CD163L1: variants seen among roughly 807,000 people sequenced by gnomAD.
CD163L1 encodes the protein CD163 molecule like 1.
In CD163L1, 124 loss-of-function variants were observed where a neutral mutation model predicts 165.4. The ratio of observed to expected loss-of-function variants is 0.75; its 90% confidence interval spans 0.65 to 0.87. The LOEUF (loss-of-function observed/expected upper bound fraction) is 0.87, where lower values mean the gene tolerates loss of function less well. Ranked by LOEUF, CD163L1 falls within the 40% of genes least tolerant of loss-of-function variation. The pLI, the probability that CD163L1 is intolerant of heterozygous loss-of-function variation, is 0.00. For missense variants in CD163L1, 1,525 were observed against 1,799.9 expected (o/e 0.85, Z 2.76); for synonymous variants, 585 against 662.2 (o/e 0.88, Z 1.79).
Position 7,347,365 on chromosome 12 carries a change from C to A in CD163L1, c.*25-218G>T, listed in dbSNP as rs887067926. Reference sequence around the variant, plus strand: ...CCTGATGTATTTATTTAAAAATATTCTTTGTAACCCAATCTCTGGGATGTT... The same window carrying A: ...CCTGATGTATTTATTTAAAAATATTATTTGTAACCCAATCTCTGGGATGTT... On this transcript the variant is annotated intron_variant, in intron 4 of 4. Coordinates refer to the CD163L1 transcript ENST00000539726. This position sits in a 1 kb window ranked among gnomAD's most constrained non-coding sequence, Gnocchi z 4.2. Among the ~76,000 whole-genome samples the A allele has an allele frequency of 2.0e-5, 3 of 152,156 alleles. No homozygotes were observed. The highest frequency in any genetic ancestry group is 6.6e-5 in the Admixed American group (1 of 15,264).
intron 11 of CD163L1, 93 bp from the exon 12 acceptor site, chr12:7,375,016 G>A: frequency 1.7e-6 from 2 of 1,195,542 alleles, no homozygotes; most frequent in Non-Finnish European, 1.2e-6. Flanking sequence ...CTGCAATTGT[G>A]ATAAGGACTT....
the CD163L1 span, among the ~76,000 whole-genome samples, chr12:7,329,446 A>C: frequency 6.6e-5 from 10 of 151,654 alleles, no homozygotes; most frequent in Admixed American, 1.3e-4. Context: ...TATGAAAAAG[A>C]AGCTTGATAT....
In CD163L1 at chr12:7,374,783, G is replaced by A. The variant is rs1947227096; in HGVS notation, c.3095-27C>T. 6.2e-7 allele frequency: 1 copy of A among 1,613,982 alleles called. No homozygotes were observed. On this transcript the variant is annotated intron_variant, in intron 12 of 19. Coordinates refer to ENST00000313599, the MANE Select transcript of CD163L1 (RefSeq NM_174941.6). This position sits in a 1 kb window ranked among gnomAD's most constrained non-coding sequence, Gnocchi z 5.4. Reference sequence around the variant, plus strand: ...TTAGAGGAGAAAGTCCAGTTAATAGGTCACATTCTTTAGAGTTGCAGTGTT... The same window carrying A: ...TTAGAGGAGAAAGTCCAGTTAATAGATCACATTCTTTAGAGTTGCAGTGTT...
chr12:7,328,021 G>A, the CD163L1 span, among the ~76,000 whole-genome samples: 1 of 152,094 alleles, frequency 6.6e-6, no homozygotes, highest in East Asian at 1.9e-4. Context: ...GTTTGAACTA[G>A]GGGAAAGCAA....
intron 4 of CD163L1, among the ~76,000 whole-genome samples, chr12:7,426,474 T>TA (rs1254891507): frequency 6.6e-6 from 1 of 151,690 alleles, no homozygotes; most frequent in Non-Finnish European, 1.5e-5. Flanking sequence ...AATAAATAAA[T>TA]AATAAAAAGG....
At chr12:7,361,958 T>C (rs950004582) in intron 18 of CD163L1, among the ~76,000 whole-genome samples, 1 of 151,852 alleles carries the variant, frequency 6.6e-6, no homozygotes, top group Admixed American at 6.6e-5. Context: ...ACTTTCTGTT[T>C]ATATGAATTT....
At position 7,363,307 on chromosome 12, in the gene CD163L1, T is replaced by A. The variant is rs1205000495; in HGVS notation, c.4279+3929A>T. Among the ~76,000 whole-genome samples the A allele has an allele frequency of 5.3e-5, 8 of 151,724 alleles. No individual in the cohort carries two copies. The East Asian group carries it at 1.6e-3, about 29-fold the overall frequency. The stretch of plus-strand genomic sequence containing the variant: ...ATGGGTGACAGAGTGAGACTCCATC[T>A]TAAAAAGGAAAAAAAACAAGTAGAA... On this transcript the variant is annotated intron_variant, in intron 18 of 19. Coordinates refer to ENST00000313599, the MANE Select transcript of CD163L1 (RefSeq NM_174941.6).
At chr12:7,327,072 G>A in the CD163L1 span, 2 of 1,608,768 alleles carry the variant, frequency 1.2e-6, no homozygotes, top group Non-Finnish European at 8.5e-7. Flanking sequence ...AAAATCAACT[G>A]CACCTTACAA....
chr12:7,421,606 C>T (rs1408839213), intron 4 of CD163L1, among the ~76,000 whole-genome samples: 143 of 3,610 alleles, frequency 0.04, 4 homozygotes, highest in East Asian at 0.045. Context: ...TATATGTACA[C>T]ATATACATAT....
At chr12:7,441,975 G>A (rs1948836711) in intron 1 of CD163L1, among the ~76,000 whole-genome samples, 1 of 152,134 alleles carries the variant, frequency 6.6e-6, no homozygotes, top group Admixed American at 6.5e-5. Context: ...AAGATAGGCA[G>A]GAGCAATACA....
Position 7,421,580 on chromosome 12 carries a change from CATATAT to C in CD163L1, c.766+10830_766+10835del, listed in dbSNP as rs1272140901. On this transcript the variant is annotated intron_variant, in intron 4 of 19. Coordinates refer to ENST00000313599, the MANE Select transcript of CD163L1 (RefSeq NM_174941.6). Reference sequence around the variant, plus strand: ...ACATATATGTACATATATACATGTACATATATACATATACATATATGTACACATATA... The same window carrying C: ...ACATATATGTACATATATACATGTACACATATACATATATGTACACATATA... Among the ~76,000 whole-genome samples the C allele has an allele frequency of 1.9e-3, 230 of 122,124 alleles. 15 individuals carry two copies. The highest frequency in any genetic ancestry group is 7.0e-3 in the African/African-American group (215 of 30,932). The allele number at this position is 122,124 out of a possible 152,430, so 80.1% of individuals were successfully genotyped here. A position where few individuals can be genotyped will look rare whatever the true frequency, so the allele number is the denominator to read the frequency against.
At chr12:7,415,367 T>C (rs1948216095) in intron 4 of CD163L1, among the ~76,000 whole-genome samples, 1 of 151,578 alleles carries the variant, frequency 6.6e-6, no homozygotes, top group Non-Finnish European at 1.5e-5. Context: ...AAAAGAATAA[T>C]CACATCACAA....
At chr12:7,330,826 A>C in the CD163L1 span, among the ~76,000 whole-genome samples, 1 of 152,262 alleles carries the variant, frequency 6.6e-6, no homozygotes, top group Non-Finnish European at 1.5e-5. Flanking sequence ...TCCTTTTAGA[A>C]CTAAGACTCG....
intron 4 of CD163L1, among the ~76,000 whole-genome samples, chr12:7,428,946 TAAC>T (rs1457279299): frequency 2.6e-5 from 4 of 152,040 alleles, no homozygotes; most frequent in Non-Finnish European, 4.4e-5. Context: ...AAAATATAAA[TAAC>T]AAATTATTTA....
intron 18 of CD163L1, among the ~76,000 whole-genome samples, chr12:7,359,713 CTT>C (rs1946852918): frequency 6.6e-6 from 1 of 152,046 alleles, no homozygotes; most frequent in Non-Finnish European, 1.5e-5. Flanking sequence ...AAATAAAACT[CTT>C]TAAAAAATTT....
chr12:7,407,804 CACAG>C lies in CD163L1; in HGVS notation c.767-956_767-953del, dbSNP rs1187573334. ...CCATACACACACACACACACACACA[CACAG>C]ACACACACACACACACACATACACA... On this transcript the variant is annotated intron_variant, in intron 4 of 19. Coordinates refer to ENST00000313599, the MANE Select transcript of CD163L1 (RefSeq NM_174941.6). Among the ~76,000 whole-genome samples, 8 of 150,068 alleles carry C rather than the reference CACAG, an allele frequency of 5.3e-5. No individual in the cohort carries two copies. The East Asian group carries it at 5.9e-4, about 11-fold the overall frequency.
intron 8 of CD163L1, among the ~76,000 whole-genome samples, chr12:7,382,157 C>T (rs1403650508): frequency 6.6e-6 from 1 of 151,360 alleles, no homozygotes; most frequent in Admixed American, 6.6e-5. Context: ...GTTTACAATA[C>T]AGATACAAGG....
At chr12:7,324,367 T>A in the CD163L1 span, 73 of 1,614,014 alleles carry the variant, frequency 4.5e-5, no homozygotes, top group Non-Finnish European at 5.8e-5. Flanking sequence ...TTCTGGTTTG[T>A]CGGCAGAGCT....
At chr12:7,425,711 A>G (rs912687453) in intron 4 of CD163L1, among the ~76,000 whole-genome samples, 3 of 152,244 alleles carry the variant, frequency 2.0e-5, no homozygotes, top group African/African-American at 7.2e-5. Flanking sequence ...TGTCTTCAAC[A>G]AACATTTGAA....
Sources: allele counts gnomAD v4.1 joint callset (sites outside exome capture counted in the v4.1 genomes callset), GRCh38; gene constraint gnomAD v4.1.1; non-coding constraint Gnocchi (gnomAD v3.1); transcripts MANE v1.5; gene names NCBI Gene and HGNC (gene_info 2026-07-23, HGNC 2026-07-21).